CEP135: variants seen among roughly 807,000 people sequenced by gnomAD.
The protein encoded by CEP135 is centrosomal protein 135.
CEP135 carries 142 observed loss-of-function variants against 157.3 expected under a neutral mutation model. The ratio of observed to expected loss-of-function variants is 0.90; its 90% CI spans 0.79 to 1.04. CEP135 has a LOEUF of 1.04. Among genes scored for constraint, CEP135 ranks in the 50% least tolerant of loss-of-function variants. The pLI is 0.00. For missense variants in CEP135, 1,317 were observed against 1,309.2 expected, an observed-to-expected ratio of 1.01 and a Z score of -0.09; for synonymous variants, 396 against 439.8, an observed-to-expected ratio of 0.90 and a Z score of 1.25.
chr4:56,030,908 C>T (rs895237398), intron 25 of CEP135, among the ~76,000 whole-genome samples: 1 of 152,070 alleles, frequency 6.6e-6, no homozygotes, highest in African/African-American at 2.4e-5. Flanking sequence ...TTTGGGAGGC[C>T]AAAGTGAGAG....
At chr4:55,998,714 A>C (rs1358264323) in intron 15 of CEP135, among the ~76,000 whole-genome samples, 1 of 152,052 alleles carries the variant, frequency 6.6e-6, no homozygotes. Context: ...AAAATAGAAA[A>C]ATTAGACAGG....
At position 55,999,897 on chromosome 4, in the gene CEP135, T is replaced by A. The variant is rs572902531; in HGVS notation, c.2280+252T>A. Among the ~76,000 whole-genome samples, 150 of 152,290 alleles carry A rather than the reference T, an allele frequency of 9.8e-4. 1 individual carries two copies. The highest frequency in any genetic ancestry group is 3.5e-3 in the African/African-American group (145 of 41,556). Reference sequence around the variant, plus strand: ...TTATTCATTTCTTTTTTAAAAGGTTTATTTACTTTTGGCAGGATGTGGTGG... The same window carrying A: ...TTATTCATTTCTTTTTTAAAAGGTTAATTTACTTTTGGCAGGATGTGGTGG... On this transcript the variant is annotated intron_variant, in intron 17 of 25. Transcript: ENST00000257287.
chr4:56,026,330 A>T (rs776651033), intron 25 of CEP135, among the ~76,000 whole-genome samples: 1 of 152,138 alleles, frequency 6.6e-6, no homozygotes, highest in Non-Finnish European at 1.5e-5. Context: ...CAAAAACAAA[A>T]CAAAACTAAC....
intron 15 of CEP135, among the ~76,000 whole-genome samples, chr4:55,994,547 A>G (rs1044752712): frequency 6.6e-6 from 1 of 152,130 alleles, no homozygotes; most frequent in Admixed American, 6.5e-5. Flanking sequence ...ACTGTCTCAG[A>G]TAGATAAGGC....
intron 17 of CEP135, among the ~76,000 whole-genome samples, chr4:56,005,461 G>A (rs1013929665): frequency 2.6e-5 from 4 of 151,902 alleles, no homozygotes; most frequent in Admixed American, 6.6e-5. Context: ...AACCCACAAA[G>A]ACATAACTAA....
At chr4:56,014,602 T>C (rs896963890) in intron 21 of CEP135, among the ~76,000 whole-genome samples, 7 of 152,146 alleles carry the variant, frequency 4.6e-5, no homozygotes, top group African/African-American at 1.7e-4. Context: ...TTGTAAGGGA[T>C]GAACTCGGAT....
intron 15 of CEP135, among the ~76,000 whole-genome samples, chr4:55,994,342 T>C (rs914920206): frequency 6.6e-6 from 1 of 152,174 alleles, no homozygotes; most frequent in Non-Finnish European, 1.5e-5. Flanking sequence ...AGCCCAGGAA[T>C]TCAAGAGCAG....
At chr4:55,979,528 C>A (rs887201357) in intron 11 of CEP135, among the ~76,000 whole-genome samples, 2 of 152,062 alleles carry the variant, frequency 1.3e-5, no homozygotes, top group Non-Finnish European at 2.9e-5. Flanking sequence ...GGTTGGTATG[C>A]CTGGCGTATT....
Position 56,017,696 on chromosome 4 carries a change from A to G in CEP135, c.2851A>G (p.Lys951Glu), listed in dbSNP as rs753253791. ...TGAATCTCAGATCTCATCAATGGCA[A>G]AAGCCATGTCTCGATTAGAAGAAGA... ...AYESQISSMA[K>E]AMSRLEEELR... The change falls in exon 22 of 26, where the codon AAA becomes GAA. Residue 951 changes from lysine (K) to glutamate (E), a missense_variant. Coordinates refer to ENST00000257287, the MANE Select transcript of CEP135 (RefSeq NM_025009.5). 1 of 1,613,760 alleles carries G rather than the reference A, an allele frequency of 6.2e-7. No individual in the cohort carries two copies. Among genetic ancestry groups the G allele is most frequent in the Admixed American group, 1.7e-5 (1 of 60,004 alleles).
chr4:55,969,888 T>C (rs931162132), intron 9 of CEP135, among the ~76,000 whole-genome samples: 8 of 152,152 alleles, frequency 5.3e-5, no homozygotes, highest in Non-Finnish European at 8.8e-5. Context: ...TATTTATTTT[T>C]TGGAGACAGG....
intron 17 of CEP135, among the ~76,000 whole-genome samples, chr4:56,000,470 T>C (rs1486305920): frequency 6.6e-6 from 1 of 152,202 alleles, no homozygotes; most frequent in African/African-American, 2.4e-5. Flanking sequence ...TGCCCATTAA[T>C]CAACCTCTCT....
At chr4:55,949,715 AAACCTAACCTTTT>A (rs1728299077) in intron 1 of CEP135, among the ~76,000 whole-genome samples, 1 of 152,204 alleles carries the variant, frequency 6.6e-6, no homozygotes. Flanking sequence ...GGGGACCCCC[AAACCTAACCTTTT>A]ATGTTGCTTT....
intron 21 of CEP135, among the ~76,000 whole-genome samples, chr4:56,014,708 A>AACTGAACT (rs1309828604): frequency 1.3e-5 from 2 of 152,146 alleles, no homozygotes. Context: ...AGAGAAATGG[A>AACTGAACT]GCAAGGAACT....
chr4:55,957,180 GT>G (rs1728535203), intron 4 of CEP135, 42 bp from the exon 5 acceptor site: 1 of 1,600,212 alleles, frequency 6.2e-7, no homozygotes, highest in Non-Finnish European at 8.5e-7. Flanking sequence ...CTAAGACATG[GT>G]TTTGTTTCTT....
chr4:55,999,870 A>C (rs1438412215), intron 17 of CEP135, among the ~76,000 whole-genome samples: 1 of 152,104 alleles, frequency 6.6e-6, no homozygotes, highest in Non-Finnish European at 1.5e-5. Context: ...TTGTATTTTC[A>C]CTTATTCATT....
At chr4:56,022,346 G>A (rs538623691) in intron 24 of CEP135, among the ~76,000 whole-genome samples, 86 of 152,134 alleles carry the variant, frequency 5.7e-4, no homozygotes, top group African/African-American at 1.9e-3. Flanking sequence ...CATCGGTGCA[G>A]TATTACCCAC....
chr4:56,012,563 A>G (rs1460313751), intron 21 of CEP135, among the ~76,000 whole-genome samples: 1 of 152,134 alleles, frequency 6.6e-6, no homozygotes, highest in African/African-American at 2.4e-5. Flanking sequence ...TATCACCATT[A>G]TTTGTCATTC....
Position 56,029,630 on chromosome 4 carries a change from G to A in CEP135, c.*12-1730G>A, listed in dbSNP as rs552077071. 2.0e-5 allele frequency among the ~76,000 whole-genome samples: 3 copies of A among 152,194 alleles called. No individual in the cohort carries two copies. The South Asian group carries it at 6.2e-4, about 32-fold the overall frequency. Reference sequence around the variant, plus strand: ...GTATGTACTTACACAAACCTAGATGGTATATAGCCTACTGCATACCCAGGC... The same window carrying A: ...GTATGTACTTACACAAACCTAGATGATATATAGCCTACTGCATACCCAGGC... On this transcript the variant is annotated intron_variant, in intron 25 of 25. Coordinates refer to ENST00000257287, the MANE Select transcript of CEP135 (RefSeq NM_025009.5).
chr4:55,989,473 C>T (rs1443649907), intron 14 of CEP135, among the ~76,000 whole-genome samples: 1 of 152,134 alleles, frequency 6.6e-6, no homozygotes, highest in Non-Finnish European at 1.5e-5. Context: ...AGAATGTGTG[C>T]CCCTAAACAA....
Sources: gnomAD v4.1 joint callset for allele counts (sites outside exome capture counted in the v4.1 genomes callset) on GRCh38, gnomAD v4.1.1 for gene constraint, MANE v1.5 for transcripts, NCBI Gene and HGNC (gene_info 2026-07-23, HGNC 2026-07-21) for gene names.